Variants in JAKMIP2 observed in about 807,000 individuals in gnomAD.
The protein encoded by JAKMIP2 is janus kinase and microtubule-interacting protein 2.
In JAKMIP2, 25 loss-of-function variants were observed where a neutral mutation model predicts 115.0. The observed-to-expected ratio is 0.22, with a 90% CI of 0.16 to 0.30. The LOEUF (loss-of-function observed/expected upper bound fraction) is 0.30, where lower values mean the gene tolerates loss of function less well. Among genes scored for constraint, JAKMIP2 ranks in the 10% least tolerant of loss-of-function variants. The pLI is 1.00. For synonymous variants in JAKMIP2, 334 were observed against 343.6 expected, an observed-to-expected ratio of 0.97 and a Z score of 0.31; for missense variants, 642 against 957.6, an observed-to-expected ratio of 0.67 and a Z score of 4.35.
chr5:147,697,845 A>G (rs1020034873), intron 1 of JAKMIP2, among the ~76,000 whole-genome samples: 1 of 152,224 alleles, frequency 6.6e-6, no homozygotes, highest in African/African-American at 2.4e-5. Flanking sequence ...CTCATGGAGA[A>G]TCTTTGCTAG....
At chr5:147,711,285 A>G (rs1752770004) in intron 1 of JAKMIP2, among the ~76,000 whole-genome samples, 1 of 152,164 alleles carries the variant, frequency 6.6e-6, no homozygotes, top group African/African-American at 2.4e-5. Flanking sequence ...TGGCAAGTCC[A>G]CGGGAGTGAT....
At chr5:147,742,922 T>G (rs991926611) in intron 1 of JAKMIP2, among the ~76,000 whole-genome samples, 2 of 152,224 alleles carry the variant, frequency 1.3e-5, no homozygotes, top group African/African-American at 4.8e-5. Flanking sequence ...ACAAGCCTCC[T>G]TGATTTACAG....
At chr5:147,721,784 A>G (rs540284586) in intron 1 of JAKMIP2, among the ~76,000 whole-genome samples, 1 of 152,190 alleles carries the variant, frequency 6.6e-6, no homozygotes, top group African/African-American at 2.4e-5. Flanking sequence ...GGTACCTCAG[A>G]TGGAAATGCA....
At chr5:147,757,654 A>G (rs1754794652) in intron 1 of JAKMIP2, among the ~76,000 whole-genome samples, 2 of 152,174 alleles carry the variant, frequency 1.3e-5, no homozygotes, top group Admixed American at 1.3e-4. Context: ...TGACTTTCAG[A>G]GCCGCTGTGA....
In JAKMIP2 at chr5:147,664,431, C is replaced by T. The variant is rs906629803; in HGVS notation, c.130-2986G>A. ...TCCCTCTCTGTCTCCTCACCTGTCC[C>T]GTGCTCTAGGTGGGGGGGATTATGC... On this transcript the variant is annotated intron_variant, in intron 2 of 21. Coordinates refer to ENST00000616793, the MANE Select transcript of JAKMIP2 (RefSeq NM_001270941.2). Among the ~76,000 whole-genome samples, 6 of 152,226 alleles carry T rather than the reference C, an allele frequency of 3.9e-5. No homozygotes were observed. In the South Asian group the frequency reaches 8.3e-4, roughly 21 times the overall value.
At position 147,664,447 on chromosome 5, in the gene JAKMIP2, G is replaced by A. The variant is rs552869380; in HGVS notation, c.130-3002C>T. Among the ~76,000 whole-genome samples the A allele has an allele frequency of 1.7e-4, 26 of 152,158 alleles. No homozygotes were observed. The East Asian group carries it at 3.7e-3, about 21-fold the overall frequency. ...CACCTGTCCCGTGCTCTAGGTGGGG[G>A]GGATTATGCTATTTTCTGCACATGC... On this transcript the variant is annotated intron_variant, in intron 2 of 21. Transcript: ENST00000616793.
At chr5:147,593,782 G>A (rs1346699561) in intron 21 of JAKMIP2, among the ~76,000 whole-genome samples, 1 of 152,078 alleles carries the variant, frequency 6.6e-6, no homozygotes, top group Non-Finnish European at 1.5e-5. Context: ...CATTCCACTG[G>A]GATGAGAGCC....
At chr5:147,733,098 T>C (rs989260504) in intron 1 of JAKMIP2, among the ~76,000 whole-genome samples, 1 of 152,200 alleles carries the variant, frequency 6.6e-6, no homozygotes, top group Non-Finnish European at 1.5e-5. Context: ...AGGAGAGAGA[T>C]GGTATCAATC....
chr5:147,658,712 G>T (rs1380278779), intron 3 of JAKMIP2, among the ~76,000 whole-genome samples: 1 of 152,140 alleles, frequency 6.6e-6, no homozygotes, highest in Non-Finnish European at 1.5e-5. Context: ...TGGATTTCCT[G>T]CAGAGAGACC....
intron 1 of JAKMIP2, among the ~76,000 whole-genome samples, chr5:147,757,495 G>A (rs1754789313): frequency 6.6e-6 from 1 of 152,052 alleles, no homozygotes; most frequent in East Asian, 1.9e-4. Flanking sequence ...AATCAACTGA[G>A]TCAGGGATGG....
At chr5:147,755,763 C>T (rs143058384) in intron 1 of JAKMIP2, among the ~76,000 whole-genome samples, 16 of 152,198 alleles carry the variant, frequency 1.1e-4, no homozygotes, top group African/African-American at 3.9e-4. Flanking sequence ...AAGCAATCCT[C>T]CCACCTCAGC....
Position 147,591,700 on chromosome 5 carries a change from GA to G in JAKMIP2, c.*21-15del, listed in dbSNP as rs748839253. The G allele has an allele frequency of 6.3e-5, 96 of 1,512,800 alleles. No homozygotes were observed. Among genetic ancestry groups the G allele is most frequent in the Admixed American group, 3.8e-4 (20 of 52,994 alleles). 93.7% of individuals were successfully genotyped at this position (1,512,800 alleles called of 1,614,324 possible). A position where few individuals can be genotyped will look rare whatever the true frequency, so the allele number is the denominator to read the frequency against. ...TTTTCGGTTACTCTGCAAAACAGAG[GA>G]AAAAAATTATTTATATATCAATTTT... is the stretch of plus-strand genomic sequence containing the variant. On this transcript the variant is annotated splice_polypyrimidine_tract_variant and intron_variant, in intron 21 of 21. Transcript: ENST00000616793.
chr5:147,638,723 C>T (rs1757741502), intron 10 of JAKMIP2, among the ~76,000 whole-genome samples: 1 of 120,994 alleles, frequency 8.3e-6, no homozygotes, highest in African/African-American at 3.2e-5. Flanking sequence ...CCTTTTGGCT[C>T]ATGTAAATTT....
chr5:147,592,500 T>G (rs932261598), intron 21 of JAKMIP2, among the ~76,000 whole-genome samples: 2 of 152,298 alleles, frequency 1.3e-5, no homozygotes, highest in African/African-American at 4.8e-5. Flanking sequence ...GAGTTTTCAC[T>G]TGTGTAGAAG....
chr5:147,588,032 A>G lies in JAKMIP2; in HGVS notation c.*3675T>C, dbSNP rs1048132533. ...GTAATAATTTAATTTATATAGCATA[A>G]GTCAGAAGGGTTGTAATTTTTTTCA... On this transcript the variant is annotated 3_prime_UTR_variant, in exon 22 of 22. Transcript: ENST00000616793. The G allele has an allele frequency of 2.6e-5, 4 of 152,108 alleles. No homozygotes were observed. Among genetic ancestry groups the G allele is most frequent in the Non-Finnish European group, 5.9e-5 (4 of 68,022 alleles). 9.4% of individuals were successfully genotyped at this position (152,108 alleles called of 1,614,324 possible). A position where few individuals can be genotyped will look rare whatever the true frequency, so the allele number is the denominator to read the frequency against.
At chr5:147,662,606 T>TTGG (rs1451095245) in intron 2 of JAKMIP2, among the ~76,000 whole-genome samples, 3 of 152,020 alleles carry the variant, frequency 2.0e-5, no homozygotes, top group Non-Finnish European at 4.4e-5. Context: ...TCTCTGCTGC[T>TTGG]TGGCTCTGTC....
intron 19 of JAKMIP2, 94 bp downstream of exon 19, chr5:147,617,817 G>T: frequency 1.1e-6 from 1 of 905,126 alleles, no homozygotes; most frequent in Non-Finnish European, 1.8e-6. Flanking sequence ...GTATCTCCTG[G>T]GCTTCTCCGT....
chr5:147,757,732 A>T (rs1020452691), intron 1 of JAKMIP2, among the ~76,000 whole-genome samples: 14 of 152,264 alleles, frequency 9.2e-5, no homozygotes, highest in African/African-American at 3.4e-4. Context: ...AATTTAACAC[A>T]TATTAATTGA....
intron 14 of JAKMIP2, among the ~76,000 whole-genome samples, chr5:147,630,808 A>G (rs1003642455): frequency 1.3e-5 from 2 of 152,192 alleles, no homozygotes; most frequent in African/African-American, 2.4e-5. Flanking sequence ...GAAGGACAAT[A>G]TATTTCCCCG....
Sources: allele counts gnomAD v4.1 joint callset (sites outside exome capture counted in the v4.1 genomes callset), GRCh38; gene constraint gnomAD v4.1.1; transcripts MANE v1.5; gene names NCBI Gene and HGNC (gene_info 2026-07-23, HGNC 2026-07-21).